Variants in DIAPH3 observed in about 807,000 individuals in gnomAD.
DIAPH3 encodes diaphanous related formin 3, also known as protein diaphanous homolog 3.
In DIAPH3, 117 loss-of-function variants were observed where a neutral mutation model predicts 144.3. That is an observed-to-expected ratio of 0.81 (90% confidence interval 0.70 to 0.95). DIAPH3 has a LOEUF of 0.95. DIAPH3 is among the 40% of genes least tolerant of loss of function. DIAPH3 has a pLI of 0.00. For synonymous variants in DIAPH3, 519 were observed against 488.9 expected (o/e 1.06, Z -0.81); for missense variants, 1,421 against 1,412.7 (o/e 1.01, Z -0.09).
At chr13:59,997,974 C>A (rs2052308372) in intron 9 of DIAPH3, among the ~76,000 whole-genome samples, 1 of 152,066 alleles carries the variant, frequency 6.6e-6, no homozygotes, top group Non-Finnish European at 1.5e-5. Flanking sequence ...CTGGAAGATA[C>A]AGTTTAGACT....
At chr13:59,727,683 C>G (rs988985204) in intron 27 of DIAPH3, among the ~76,000 whole-genome samples, 4 of 152,072 alleles carry the variant, frequency 2.6e-5, no homozygotes, top group Admixed American at 6.5e-5. Flanking sequence ...AGCATTGGCT[C>G]TTATTTCTAT....
Position 60,116,322 on chromosome 13 carries a change from G to A in DIAPH3, c.214-4136C>T, listed in dbSNP as rs537488812. Among the ~76,000 whole-genome samples the A allele has an allele frequency of 4.4e-3, 675 of 151,984 alleles. 3 individuals are homozygous for A. Among genetic ancestry groups the A allele is most frequent in the Non-Finnish European group, 7.2e-3 (490 of 67,876 alleles). ...TGGCATATAACTCACCACCATAAGC[G>A]TTTCCTACTCTGGAATAACTCAGAA... On this transcript the variant is annotated intron_variant, in intron 2 of 27. Coordinates refer to ENST00000400324, the MANE Select transcript of DIAPH3 (RefSeq NM_001042517.2).
intron 2 of DIAPH3, among the ~76,000 whole-genome samples, chr13:60,128,493 A>G (rs1039779944): frequency 1.3e-5 from 2 of 152,188 alleles, no homozygotes; most frequent in African/African-American, 4.8e-5. Flanking sequence ...GCACTAAATT[A>G]TAAATGCACG....
At chr13:60,045,254 C>A (rs917060237) in intron 4 of DIAPH3, among the ~76,000 whole-genome samples, 5 of 151,858 alleles carry the variant, frequency 3.3e-5, no homozygotes, top group African/African-American at 1.2e-4. Flanking sequence ...GCAGGAGAAT[C>A]GCTTGAACCC....
chr13:59,822,721 C>G (rs1232277969), intron 24 of DIAPH3, among the ~76,000 whole-genome samples: 4 of 151,936 alleles, frequency 2.6e-5, no homozygotes, highest in African/African-American at 7.2e-5. Flanking sequence ...GATTACAGGC[C>G]TGAGCCACCA....
chr13:59,966,601 A>C (rs1411533439), intron 17 of DIAPH3, among the ~76,000 whole-genome samples: 4 of 152,168 alleles, frequency 2.6e-5, no homozygotes, highest in Non-Finnish European at 4.4e-5. Flanking sequence ...TGAAAACCTA[A>C]AGTAGTGTCT....
chr13:59,917,633 G>C lies in DIAPH3; in HGVS notation c.2171-1384C>G, dbSNP rs980800222. On this transcript the variant is annotated intron_variant, in intron 18 of 27. Transcript: ENST00000400324. ...TGGCCAGGCACGGTGGCTCACGCCTGTAATCCCAGCACTTTGGGAGGCAGA... is the reference window on the plus strand; with the variant it reads ...TGGCCAGGCACGGTGGCTCACGCCTCTAATCCCAGCACTTTGGGAGGCAGA... 3.9e-5 allele frequency among the ~76,000 whole-genome samples: 6 copies of C among 152,158 alleles called. No homozygotes were observed. In the South Asian group the frequency reaches 8.3e-4, roughly 21 times the overall value.
At chr13:59,694,828 T>C (rs938742455) in intron 27 of DIAPH3, among the ~76,000 whole-genome samples, 13 of 152,218 alleles carry the variant, frequency 8.5e-5, no homozygotes, top group South Asian at 2.1e-4. Context: ...GGCCCTAAAA[T>C]ATAAATATTC....
chr13:59,792,946 T>C (rs2039401201), intron 25 of DIAPH3, among the ~76,000 whole-genome samples: 1 of 152,218 alleles, frequency 6.6e-6, no homozygotes, highest in Admixed American at 6.5e-5. Flanking sequence ...GGATTCTTAA[T>C]GCTATTCAGC....
Position 60,163,597 on chromosome 13 carries a change from C to A in DIAPH3, c.170G>T (p.Arg57Leu). The change falls in exon 1 of 28, where the codon CGC (arginine) becomes CTC (leucine). Residue 57 changes from arginine to leucine, a missense_variant. Transcript: ENST00000400324. ...PSGPEEPGEK[R>L]PKFHLNIRTL... The stretch of plus-strand genomic sequence containing the variant: ...CCAGGCGATACTCACAAACTTGGGG[C>A]GCTTCTCCCCAGGCTCCTCGGGGCC... The A allele has an allele frequency of 6.3e-7, 1 of 1,590,070 alleles. No individual in the cohort carries two copies. The highest frequency in any genetic ancestry group is 8.6e-7 in the Non-Finnish European group (1 of 1,164,192).
intron 27 of DIAPH3, among the ~76,000 whole-genome samples, chr13:59,745,222 G>A (rs922810162): frequency 6.6e-6 from 1 of 152,134 alleles, no homozygotes; most frequent in Non-Finnish European, 1.5e-5. Flanking sequence ...CAAAAGAGAA[G>A]GGAGATGGAC....
chr13:60,057,260 C>A (rs900701480), intron 4 of DIAPH3, among the ~76,000 whole-genome samples: 1 of 151,780 alleles, frequency 6.6e-6, no homozygotes, highest in African/African-American at 2.4e-5. Flanking sequence ...CAACAACAAC[C>A]AAGCTGAGAA....
Position 59,916,149 on chromosome 13 carries a change from G to A in DIAPH3, c.2265+6C>T, listed in dbSNP as rs760310126. The A allele has an allele frequency of 1.2e-6, 2 of 1,609,962 alleles. No individual in the cohort carries two copies. Among genetic ancestry groups the A allele is most frequent in the South Asian group, 1.1e-5 (1 of 91,002 alleles). On this transcript the variant is annotated splice_donor_region_variant and intron_variant, in intron 19 of 27. Transcript: ENST00000400324. ...ATTGAAATTTAAGCTGTGCCTGTTTGTTTACCTGAATCATAGACTCTGCCA... is the reference window on the plus strand; with the variant it reads ...ATTGAAATTTAAGCTGTGCCTGTTTATTTACCTGAATCATAGACTCTGCCA...
intron 25 of DIAPH3, among the ~76,000 whole-genome samples, chr13:59,799,549 G>A (rs1395358249): frequency 1.3e-5 from 2 of 152,114 alleles, no homozygotes; most frequent in African/African-American, 4.8e-5. Context: ...GAAATTCCCC[G>A]TTTGTTACCA....
intron 2 of DIAPH3, among the ~76,000 whole-genome samples, chr13:60,125,210 T>C (rs753351742): frequency 4.5e-4 from 69 of 152,038 alleles, no homozygotes; most frequent in Non-Finnish European, 8.1e-4. Context: ...TCCCTAGTTA[T>C]GTTGTTTTGT....
intron 27 of DIAPH3, among the ~76,000 whole-genome samples, chr13:59,713,424 C>T (rs1286448386): frequency 2.6e-5 from 4 of 152,060 alleles, no homozygotes; most frequent in African/African-American, 4.8e-5. Context: ...AAACATCTTA[C>T]AATTAAAAGA....
Position 60,042,675 on chromosome 13 carries a change from A to T in DIAPH3, c.626+15T>A, listed in dbSNP as rs2055768791. ...AATGACATCTGCCCTGTTGGTGTTC[A>T]AATAGATGAATTACCTCACAGGATT... On this transcript the variant is annotated intron_variant, in intron 5 of 27. Transcript: ENST00000400324. The T allele has an allele frequency of 3.1e-6, 5 of 1,613,262 alleles. No individual in the cohort carries two copies. The highest frequency in any genetic ancestry group is 4.2e-6 in the Non-Finnish European group (5 of 1,179,514).
chr13:59,811,524 G>A (rs2040473291), intron 24 of DIAPH3, among the ~76,000 whole-genome samples: 1 of 151,986 alleles, frequency 6.6e-6, no homozygotes, highest in Non-Finnish European at 1.5e-5. Flanking sequence ...GGATCATAAG[G>A]TCAGTAGATC....
At chr13:59,767,601 G>A (rs891402589) in intron 27 of DIAPH3, among the ~76,000 whole-genome samples, 40 of 151,666 alleles carry the variant, frequency 2.6e-4, no homozygotes, top group Admixed American at 7.9e-4. Context: ...TTTGCCATAA[G>A]AAAAGGGAGA....
Sources: gnomAD v4.1 joint callset for allele counts (sites outside exome capture counted in the v4.1 genomes callset) on GRCh38, gnomAD v4.1.1 for gene constraint, MANE v1.5 for transcripts, NCBI Gene and HGNC (gene_info 2026-07-23, HGNC 2026-07-21) for gene names.